COL22A1: variants seen among roughly 807,000 people sequenced by gnomAD.
COL22A1 encodes the protein collagen type XXII alpha 1 chain.
A neutral mutation model predicts 248.9 loss-of-function variants in COL22A1; 221 were observed. The ratio of observed to expected loss-of-function variants is 0.89; its 90% CI spans 0.80 to 0.99. The LOEUF is 0.99. COL22A1 is among the 50% of genes least tolerant of loss of function. The pLI is 0.00. For synonymous variants in COL22A1, 891 were observed against 793.4 expected, an observed-to-expected ratio of 1.12 and a Z score of -2.07; for missense variants, 2,240 against 2,179.0, an observed-to-expected ratio of 1.03 and a Z score of -0.56.
Position 138,755,211 on chromosome 8 carries a change from C to G in COL22A1, c.1978-1G>C. ...GGTGACCTCTGGGTCCTGGAGCTCC[C>G]TGGTAACACAAGCCAAACAGATGTT... On this transcript the variant is annotated splice_acceptor_variant, in intron 20 of 64. Coordinates refer to ENST00000303045, the MANE Select transcript of COL22A1 (RefSeq NM_152888.3). LOFTEE classifies it high-confidence loss of function. 1 of 1,614,040 alleles carries G rather than the reference C, an allele frequency of 6.2e-7. No individual in the cohort carries two copies. The highest frequency in any genetic ancestry group is 1.6e-4 in the Middle Eastern group (1 of 6,062).
intron 56 of COL22A1, 134 bp downstream of exon 56, chr8:138,613,733 A>C: frequency 1.2e-6 from 1 of 860,728 alleles, no homozygotes; most frequent in Non-Finnish European, 2.0e-6. Flanking sequence ...GGGGGCAGCT[A>C]TTTACCAACT....
intron 27 of COL22A1, among the ~76,000 whole-genome samples, chr8:138,718,714 G>T (rs937885052): frequency 6.6e-6 from 1 of 152,324 alleles, no homozygotes; most frequent in South Asian, 2.1e-4. Flanking sequence ...TTGGAAAAGC[G>T]TCATGACCGG....
At chr8:138,690,782 G>T (rs369267832) in intron 36 of COL22A1, 39 bp downstream of exon 36, 1 of 1,555,394 alleles carries the variant, frequency 6.4e-7, no homozygotes, top group African/African-American at 1.4e-5. Flanking sequence ...AACTAGCTTG[G>T]TGGCTGGGCC....
chr8:138,768,339 C>G (rs1024883328), intron 16 of COL22A1, among the ~76,000 whole-genome samples: 2 of 152,162 alleles, frequency 1.3e-5, no homozygotes, highest in Admixed American at 6.5e-5. Flanking sequence ...CACTCTTGCC[C>G]GAGCCTGCCC....
At chr8:138,880,229 G>A (rs578021425) in intron 2 of COL22A1, among the ~76,000 whole-genome samples, 123 of 152,342 alleles carry the variant, frequency 8.1e-4, no homozygotes, top group Non-Finnish European at 1.0e-3. Flanking sequence ...GATGGCTGAA[G>A]AGGAATCCTT....
intron 18 of COL22A1, among the ~76,000 whole-genome samples, chr8:138,758,272 T>C (rs1266482208): frequency 1.3e-5 from 2 of 152,224 alleles, no homozygotes; most frequent in African/African-American, 4.8e-5. Context: ...CACTGACAGC[T>C]TGTCTGCCTC....
At chr8:138,659,593 T>TCCC (rs369586408) in intron 44 of COL22A1, among the ~76,000 whole-genome samples, 40 of 152,264 alleles carry the variant, frequency 2.6e-4, no homozygotes, top group African/African-American at 8.9e-4. Context: ...CACAGCTGCC[T>TCCC]CCCACTCTCT....
chr8:138,694,426 TG>T, intron 34 of COL22A1, 81 bp downstream of exon 34: 1 of 1,387,148 alleles, frequency 7.2e-7, no homozygotes, highest in Non-Finnish European at 1.0e-6. Flanking sequence ...GGGAGAGAAC[TG>T]GGGAGGGTGG....
chr8:138,859,627 AG>A (rs1242823791), intron 3 of COL22A1, among the ~76,000 whole-genome samples: 1 of 151,746 alleles, frequency 6.6e-6, no homozygotes, highest in Admixed American at 6.6e-5. Flanking sequence ...AGGGCAAGTG[AG>A]GGGGTGTAGC....
chr8:138,902,574 T>C (rs1318162571), intron 1 of COL22A1, among the ~76,000 whole-genome samples: 6 of 151,306 alleles, frequency 4.0e-5, no homozygotes, highest in Admixed American at 2.0e-4. Context: ...GGTGTGGTGG[T>C]GGGCGCCTGT....
chr8:138,750,327 T>G (rs117791915), intron 22 of COL22A1, among the ~76,000 whole-genome samples: 2 of 152,266 alleles, frequency 1.3e-5, no homozygotes, highest in African/African-American at 4.8e-5. Context: ...AATAAATTAT[T>G]TGTAGAATTT....
In COL22A1 at chr8:138,594,202, G is replaced by A. The variant is rs775571353; in HGVS notation, c.4433-3C>T. ...GGCCAGGAGGTAGGCGAGTCTGGCT[G>A]TAAAGTAGAAAAAGAGAGGCATTTC... On this transcript the variant is annotated splice_polypyrimidine_tract_variant and splice_region_variant and intron_variant, in intron 62 of 64. Coordinates refer to ENST00000303045, the MANE Select transcript of COL22A1 (RefSeq NM_152888.3). 1.3e-5 allele frequency: 20 copies of A among 1,565,306 alleles called. No individual in the cohort carries two copies. The South Asian group carries it at 2.3e-4, about 18-fold the overall frequency.
chr8:138,694,799 C>CG lies in COL22A1; in HGVS notation c.2646+26dup, dbSNP rs200563017. 2.5e-3 allele frequency: 4,083 copies of CG among 1,611,806 alleles called. 92 individuals are homozygous for CG. In the African/African-American group the frequency reaches 0.048, roughly 19 times the overall value. On this transcript the variant is annotated intron_variant, in intron 33 of 64. Coordinates refer to ENST00000303045, the MANE Select transcript of COL22A1 (RefSeq NM_152888.3). ...CCGGGTCTCCAGGTAACCAGCCCTG[C>CG]GGGGGAAGGGGACACAAGAGACTCA...
chr8:138,856,086 G>T (rs771680127), intron 3 of COL22A1, among the ~76,000 whole-genome samples: 1 of 152,220 alleles, frequency 6.6e-6, no homozygotes, highest in African/African-American at 2.4e-5. Flanking sequence ...GAGCTTCGGA[G>T]GGGGGCCTGC....
At chr8:138,715,833 A>G (rs776667883) in intron 29 of COL22A1, 98 bp from the exon 30 acceptor site, 48 of 858,540 alleles carry the variant, frequency 5.6e-5, no homozygotes, top group Middle Eastern at 4.4e-4. Flanking sequence ...AAAAACATAC[A>G]TGTATATATT....
chr8:138,814,529 G>A (rs2131715956), intron 7 of COL22A1, among the ~76,000 whole-genome samples: 1 of 152,312 alleles, frequency 6.6e-6, no homozygotes, highest in Non-Finnish European at 1.5e-5. Flanking sequence ...CAGGTGGAAA[G>A]GAATTAGGGT....
chr8:138,838,392 G>T (rs1032804150), intron 4 of COL22A1, among the ~76,000 whole-genome samples: 1 of 152,102 alleles, frequency 6.6e-6, no homozygotes, highest in Non-Finnish European at 1.5e-5. Context: ...GGGCGGACAC[G>T]TGCCTACCCT....
intron 3 of COL22A1, among the ~76,000 whole-genome samples, chr8:138,865,769 G>C (rs948816767): frequency 2.7e-5 from 4 of 149,082 alleles, no homozygotes; most frequent in Admixed American, 6.7e-5. Flanking sequence ...ATGTTTGTAT[G>C]CCTCTGAGTG....
intron 12 of COL22A1, among the ~76,000 whole-genome samples, chr8:138,786,416 G>T (rs138956695): frequency 1.3e-5 from 2 of 152,280 alleles, no homozygotes; most frequent in African/African-American, 4.8e-5. Flanking sequence ...TGAGATCCAA[G>T]CATTTTACTA....
Sources: allele counts gnomAD v4.1 joint callset (sites outside exome capture counted in the v4.1 genomes callset), GRCh38; gene constraint gnomAD v4.1.1; transcripts MANE v1.5; gene names NCBI Gene and HGNC (gene_info 2026-07-23, HGNC 2026-07-21).